Variants in MYOM3 observed in about 807,000 individuals in gnomAD.
MYOM3 encodes the protein myomesin 3, also known as myomesin-3.
MYOM3 carries 155 observed loss-of-function variants against 191.7 expected under a neutral mutation model. The ratio of observed to expected loss-of-function variants is 0.81; its 90% confidence interval spans 0.71 to 0.92. The LOEUF is 0.92. Ranked by LOEUF, MYOM3 falls within the 40% of genes least tolerant of loss-of-function variation. The probability of loss-of-function intolerance (pLI) is 0.00; values close to 1 mark genes in which losing one functional copy is unlikely to be tolerated. For synonymous variants in MYOM3, 757 were observed against 762.9 expected (o/e 0.99, Z 0.13); for missense variants, 1,889 against 1,890.6 (o/e 1.00, Z 0.02).
At chr1:24,059,463 C>T (rs931570429) in intron 35 of MYOM3, among the ~76,000 whole-genome samples, 3 of 152,226 alleles carry the variant, frequency 2.0e-5, no homozygotes, top group South Asian at 2.1e-4. Context: ...AACTGTATTA[C>T]ATGCTTCTTT....
At chr1:24,061,371 A>G in intron 33 of MYOM3, 62 bp from the exon 34 acceptor site, 1 of 1,546,738 alleles carries the variant, frequency 6.5e-7, no homozygotes, top group Non-Finnish European at 8.9e-7. Flanking sequence ...TGATGGGGAC[A>G]GGGTGACCCT....
intron 5 of MYOM3, among the ~76,000 whole-genome samples, chr1:24,100,410 G>C (rs1270347493): frequency 6.6e-6 from 1 of 152,184 alleles, no homozygotes; most frequent in Non-Finnish European, 1.5e-5. Flanking sequence ...ATTAAGGGCA[G>C]CTGCCCCTCC....
intron 2 of MYOM3, 132 bp downstream of exon 2, chr1:24,108,344 G>A: frequency 1.9e-6 from 2 of 1,028,836 alleles, no homozygotes; most frequent in Non-Finnish European, 2.7e-6. Flanking sequence ...CCTCAGACAG[G>A]GGGTTCAGAA....
rs1462176297 is a variant in MYOM3, at chr1:24,085,840, T to C, written c.1798+804A>G. Reference sequence around the variant, plus strand: ...TATGTGCCGTGTGTGTATGTGTGTGTGTGTGTGCGCGTGTGTATTTTTTCC... The same window carrying C: ...TATGTGCCGTGTGTGTATGTGTGTGCGTGTGTGCGCGTGTGTATTTTTTCC... On this transcript the variant is annotated intron_variant, in intron 15 of 36. Transcript: ENST00000374434. Among the ~76,000 whole-genome samples the C allele has an allele frequency of 9.2e-5, 14 of 152,284 alleles. No individual in the cohort carries two copies. In the South Asian group the frequency reaches 2.5e-3, roughly 27 times the overall value.
At position 24,108,592 on chromosome 1, in the gene MYOM3, G is replaced by T; in HGVS notation, c.45C>A (p.Pro15=). Reference sequence around the variant, plus strand: ...GCCTGTGAACCTCCATGGCCTGGGGGGGCCGGGGGTCCCCCGCACCTCCCA... The same window carrying T: ...GCCTGTGAACCTCCATGGCCTGGGGTGGCCGGGGGTCCCCCGCACCTCCCA... ...HSLGGAGDPR[P]PQAMEVHRLE... The change falls in exon 2 of 37, where the codon CCC becomes CCA. Residue 15 remains proline, a synonymous_variant. Transcript: ENST00000374434. 1 of 1,568,340 alleles carries T rather than the reference G, an allele frequency of 6.4e-7. No homozygotes were observed. The highest frequency in any genetic ancestry group is 2.3e-5 in the East Asian group (1 of 42,644).
At chr1:24,100,381 A>C (rs1379300236) in intron 5 of MYOM3, among the ~76,000 whole-genome samples, 8 of 152,182 alleles carry the variant, frequency 5.3e-5, no homozygotes, top group Non-Finnish European at 8.8e-5. Context: ...TTCTGGGGGC[A>C]GAGAAGAGGG....
Position 24,090,828 on chromosome 1 carries a change from C to T in MYOM3, c.1401G>A (p.Met467Ile). 6.2e-7 allele frequency: 1 copy of T among 1,614,152 alleles called. No homozygotes were observed. The highest frequency in any genetic ancestry group is 8.5e-7 in the Non-Finnish European group (1 of 1,180,020). Reference protein sequence around the residue: ...VPSKASELVVMGDHDAARRKT... With the variant: ...VPSKASELVVIGDHDAARRKT... The stretch of plus-strand genomic sequence containing the variant: ...TCCTCCGGGCTGCATCATGGTCACC[C>T]ATGACAACCAACTCTGAGGCCTTGG... Residue 467 changes from methionine to isoleucine, a missense_variant, in exon 12 of 37, where the codon ATG becomes ATA. Coordinates refer to ENST00000374434, the MANE Select transcript of MYOM3 (RefSeq NM_152372.4).
At chr1:24,059,714 C>A (rs766916987) in intron 35 of MYOM3, among the ~76,000 whole-genome samples, 1 of 152,196 alleles carries the variant, frequency 6.6e-6, no homozygotes, top group Non-Finnish European at 1.5e-5. Context: ...GCTTTTGGGA[C>A]ACTTTGAACC....
intron 12 of MYOM3, 53 bp from the exon 13 acceptor site, chr1:24,090,171 G>T: frequency 6.9e-7 from 1 of 1,440,488 alleles, no homozygotes. Context: ...GAGGAGTTAG[G>T]CCAGGAGCTA....
rs573728636 is a variant in MYOM3, at chr1:24,087,943, G to A, written c.1615-1116C>T. Among the ~76,000 whole-genome samples the A allele has an allele frequency of 7.9e-5, 12 of 152,298 alleles. 1 individual carries two copies. The South Asian group carries it at 1.0e-3, about 13-fold the overall frequency. ...GCAGGAAGGTGTTAATTTCTCTGCC[G>A]ATGAGGAAAGTCAGGTTCAGAGAGT... is the stretch of plus-strand genomic sequence containing the variant. On this transcript the variant is annotated intron_variant, in intron 14 of 36. Transcript: ENST00000374434. This position sits in a 1 kb window ranked among gnomAD's most constrained non-coding sequence, Gnocchi z 4.5.
At chr1:24,081,636 C>T (rs375103282) in intron 18 of MYOM3, 180 bp from the exon 19 acceptor site, 1 of 698,538 alleles carries the variant, frequency 1.4e-6, no homozygotes, top group Non-Finnish European at 2.4e-6. Context: ...GAACATGGCT[C>T]ACTGCAGCCT....
At chr1:24,066,440 T>TTTCC in intron 28 of MYOM3, 1 of 579,768 alleles carries the variant, frequency 1.7e-6, no homozygotes, top group Non-Finnish European at 3.1e-6. Flanking sequence ...GCTCTGAGTT[T>TTTCC]ACTGAATGAA....
At position 24,107,156 on chromosome 1, in the gene MYOM3, C is replaced by A. The variant is rs1328595213; in HGVS notation, c.319G>T (p.Asp107Tyr). ...AAGGCGATCTCAGTCCTCTCCCAGTCATTGCCGAAGCCCACCCGCTTCTGC... is the reference window on the plus strand; with the variant it reads ...AAGGCGATCTCAGTCCTCTCCCAGTAATTGCCGAAGCCCACCCGCTTCTGC... Reference protein sequence around the residue: ...RGQKRVGFGNDWERTEIAFLQ... With the variant: ...RGQKRVGFGNYWERTEIAFLQ... The change falls in exon 4 of 37, where the codon GAC (aspartate) becomes TAC (tyrosine). Residue 107 changes from aspartate to tyrosine, a missense_variant. Coordinates refer to ENST00000374434, the MANE Select transcript of MYOM3 (RefSeq NM_152372.4). 1 of 1,612,438 alleles carries A rather than the reference C, an allele frequency of 6.2e-7. No homozygotes were observed. The highest frequency in any genetic ancestry group is 1.7e-5 in the Admixed American group (1 of 59,868).
Position 24,082,112 on chromosome 1 carries a change from G to T in MYOM3, c.2169C>A (p.Pro723=). ...KNEMVIGWKP[P]KRRGGGKILG... ...GGATCTTGCCACCTCCACGACGCTT[G>T]GGGGGTTTCCACCCAATGACCATTT... The change falls in exon 18 of 37, where the codon CCC becomes CCA. Residue 723 remains proline (P), a synonymous_variant. Coordinates refer to ENST00000374434, the MANE Select transcript of MYOM3 (RefSeq NM_152372.4). The T allele has an allele frequency of 6.2e-7, 1 of 1,613,636 alleles. No individual in the cohort carries two copies. Among genetic ancestry groups the T allele is most frequent in the Non-Finnish European group, 8.5e-7 (1 of 1,179,906 alleles).
chr1:24,101,286 C>T (rs1019169534), intron 5 of MYOM3, among the ~76,000 whole-genome samples: 10 of 152,186 alleles, frequency 6.6e-5, no homozygotes, highest in Non-Finnish European at 1.5e-4. Flanking sequence ...GTGCCGTCTG[C>T]ATCCAGACGT....
At chr1:24,066,981 C>A in intron 28 of MYOM3, 40 bp downstream of exon 28, 1 of 1,538,720 alleles carries the variant, frequency 6.5e-7, no homozygotes, top group East Asian at 2.5e-5. Context: ...CCACAGGTCC[C>A]CCTGCACTGG....
chr1:24,071,852 A>G, intron 24 of MYOM3, 117 bp downstream of exon 24: 1 of 1,061,818 alleles, frequency 9.4e-7, no homozygotes, highest in Non-Finnish European at 1.5e-6. Context: ...TGATTCTCCC[A>G]CCCTCTGTCC....
intron 8 of MYOM3, 134 bp downstream of exon 8, chr1:24,095,308 C>T (rs1643872923): frequency 2.3e-6 from 2 of 868,200 alleles, no homozygotes; most frequent in Middle Eastern, 3.5e-4. Flanking sequence ...CAGGTATTAC[C>T]AGCTCATAGA....
chr1:24,081,278 T>C lies in MYOM3; in HGVS notation c.2407+52A>G. The C allele has an allele frequency of 2.5e-6, 4 of 1,605,962 alleles. No homozygotes were observed. In the Admixed American group the frequency reaches 6.7e-5, roughly 27 times the overall value. ...GCAACCTTCATCTCATTGGGTAGGT[T>C]TGGGAAGGAGGGAAGGGCAGGCACT... On this transcript the variant is annotated intron_variant, in intron 19 of 36. Transcript: ENST00000374434.
Sources: allele counts gnomAD v4.1 joint callset (sites outside exome capture counted in the v4.1 genomes callset), GRCh38; gene constraint gnomAD v4.1.1; non-coding constraint Gnocchi (gnomAD v3.1); transcripts MANE v1.5; gene names NCBI Gene and HGNC (gene_info 2026-07-23, HGNC 2026-07-21).